REEP4: variants seen among roughly 807,000 people sequenced by gnomAD.
The protein encoded by REEP4 is receptor expression-enhancing protein 4.
Under a neutral mutation model 33.5 loss-of-function variants are expected in REEP4, and 17 were observed. That is an observed-to-expected ratio of 0.51 (90% CI 0.35 to 0.76). The LOEUF (loss-of-function observed/expected upper bound fraction) is 0.76. Ranked by LOEUF, REEP4 falls within the 30% of genes least tolerant of loss-of-function variation. The pLI is 0.01. For synonymous variants in REEP4, 157 were observed against 142.9 expected (o/e 1.10, Z -0.70); for missense variants, 340 against 357.9 (o/e 0.95, Z 0.40).
Position 22,140,625 on chromosome 8 carries a change from A to AGCCT in REEP4, c.104_105insAGGC (p.Tyr35Ter). The AGCCT allele has an allele frequency of 6.2e-7, 1 of 1,613,458 alleles. No individual in the cohort carries two copies. Among genetic ancestry groups the AGCCT allele is most frequent in the East Asian group, 2.2e-5 (1 of 44,874 alleles). On this transcript the variant is annotated stop_gained and frameshift_variant and splice_region_variant, in exon 2 of 8. Coordinates refer to ENST00000306306, the MANE Select transcript of REEP4 (RefSeq NM_025232.4). LOFTEE classifies it high-confidence loss of function. Reference sequence around the variant, plus strand: ...AACACACCCAAACCCCCACGCTCACATATTCACGAATGTTCTTGGTCTTCA... The same window carrying AGCCT: ...AACACACCCAAACCCCCACGCTCACAGCCTTATTCACGAATGTTCTTGGTCTTCA...
intron 1 of REEP4, 104 bp downstream of exon 1, chr8:22,141,347 G>A: frequency 7.4e-7 from 1 of 1,357,330 alleles, no homozygotes; most frequent in Non-Finnish European, 1.0e-6. Context: ...GTGCTGGAGG[G>A]TGGAGCTCAG....
At chr8:22,139,188 C>G (rs759862747) in intron 5 of REEP4, 127 bp from the exon 6 acceptor site, 2 of 1,349,946 alleles carry the variant, frequency 1.5e-6, no homozygotes, top group Non-Finnish European at 2.0e-6. Context: ...CAATGTGGCA[C>G]CAACAGGAAA....
In REEP4 at chr8:22,140,637, GT is replaced by G. The variant is rs1407051443; in HGVS notation, c.92del (p.Asn31ThrfsTer9). 6.2e-7 allele frequency: 1 copy of G among 1,613,718 alleles called. No individual in the cohort carries two copies. Among genetic ancestry groups the G allele is most frequent in the Non-Finnish European group, 8.5e-7 (1 of 1,179,806 alleles). On this transcript the variant is annotated frameshift_variant, in exon 2 of 8. Coordinates refer to ENST00000306306, the MANE Select transcript of REEP4 (RefSeq NM_025232.4). LOFTEE classifies it high-confidence loss of function. Reference sequence around the variant, plus strand: ...CCCCCACGCTCACATATTCACGAATGTTCTTGGTCTTCACAGCCTTATAGGA... The same window carrying G: ...CCCCCACGCTCACATATTCACGAATGTCTTGGTCTTCACAGCCTTATAGGA... ...YASYKAVKTK[N>X]IREYVRWMMY...
intron 7 of REEP4, 29 bp downstream of exon 7, chr8:22,138,610 C>T: frequency 1.9e-6 from 3 of 1,613,952 alleles, no homozygotes; most frequent in Non-Finnish European, 2.5e-6. Context: ...GCAGAGCCCT[C>T]CTCCCTCCTG....
In REEP4 at chr8:22,138,410, G is replaced by A. The variant is rs762937938; in HGVS notation, c.*77C>T. 1.9e-5 allele frequency: 30 copies of A among 1,543,222 alleles called. No homozygotes were observed. The highest frequency in any genetic ancestry group is 2.5e-5 in the Non-Finnish European group (28 of 1,125,284). The stretch of plus-strand genomic sequence containing the variant: ...GGCAGCTGGTGCAGGCAGGCCAGAT[G>A]TGCAGCCCAAGGTCCCTCCAAATAG... On this transcript the variant is annotated 3_prime_UTR_variant, in exon 8 of 8. Transcript: ENST00000306306.
chr8:22,141,328 T>C (rs1472021608), intron 1 of REEP4, 123 bp downstream of exon 1: 2 of 1,194,834 alleles, frequency 1.7e-6, no homozygotes, highest in African/African-American at 1.6e-5. Flanking sequence ...CCGTTAACCC[T>C]TGCATGGAGT....
At position 22,138,544 on chromosome 8, in the gene REEP4, C is replaced by A. The variant is rs528182802; in HGVS notation, c.717G>T (p.Ser239=). 2 of 1,613,936 alleles carry A rather than the reference C, an allele frequency of 1.2e-6. No individual in the cohort carries two copies. The highest frequency in any genetic ancestry group is 1.7e-6 in the Non-Finnish European group (2 of 1,180,018). Residue 239 remains serine (S), a synonymous_variant, in exon 8 of 8, where the codon TCG becomes TCT. Coordinates refer to ENST00000306306, the MANE Select transcript of REEP4 (RefSeq NM_025232.4). ...KRKPPVREGT[S]RSLKVRTRKK... ...TCCTCGTCCGAACCTTCAGGGAGCG[C>A]GAGGTGCCCTGGGGAAAGGGGAGGC...
At chr8:22,140,363 C>T (rs1253913562) in intron 2 of REEP4, 115 bp from the exon 3 acceptor site, 6 of 1,080,482 alleles carry the variant, frequency 5.6e-6, no homozygotes, top group South Asian at 5.2e-5. Flanking sequence ...TGCTTTCCCC[C>T]ACACATGGCT....
Position 22,141,822 on chromosome 8 carries a change from T to C in REEP4, c.-340A>G, listed in dbSNP as rs1827237506. The C allele has an allele frequency of 3.2e-6, 1 of 309,046 alleles. No homozygotes were observed. Among genetic ancestry groups the C allele is most frequent in the Non-Finnish European group, 6.0e-6 (1 of 168,006 alleles). The allele number at this position is 309,046 out of a possible 1,614,324, so 19.1% of individuals were successfully genotyped here. A position where few individuals can be genotyped will look rare whatever the true frequency, so the allele number is the denominator to read the frequency against. On this transcript the variant is annotated 5_prime_UTR_variant, in exon 1 of 8. Transcript: ENST00000306306. ...GCTGCTGGTCCCGCGCTGGAGCGGGTCGCCGCGGTTCCAGCGCGCCGGGCC... is the reference window on the plus strand; with the variant it reads ...GCTGCTGGTCCCGCGCTGGAGCGGGCCGCCGCGGTTCCAGCGCGCCGGGCC...
Position 22,141,605 on chromosome 8 carries a change from C to T in REEP4, c.-123G>A. 9.6e-7 allele frequency: 1 copy of T among 1,046,666 alleles called. No homozygotes were observed. The highest frequency in any genetic ancestry group is 2.9e-5 in the East Asian group (1 of 35,060). The allele number at this position is 1,046,666 out of a possible 1,614,324, so 64.8% of individuals were successfully genotyped here. A position where few individuals can be genotyped will look rare whatever the true frequency, so the allele number is the denominator to read the frequency against. ...AAGCAGAGGGGCGATCCGGCTGTCCCTCGGCGGAGGCAGAGCCCGCCGCCC... is the reference window on the plus strand; with the variant it reads ...AAGCAGAGGGGCGATCCGGCTGTCCTTCGGCGGAGGCAGAGCCCGCCGCCC... On this transcript the variant is annotated 5_prime_UTR_variant, in exon 1 of 8. Transcript: ENST00000306306.
In REEP4 at chr8:22,138,284, C is replaced by A; in HGVS notation, c.*203G>T. 1.4e-6 allele frequency: 1 copy of A among 715,516 alleles called. No homozygotes were observed. The highest frequency in any genetic ancestry group is 1.5e-5 in the South Asian group (1 of 67,388). 44.3% of individuals were successfully genotyped at this position (715,516 alleles called of 1,614,324 possible). ...AAGGCAATAAATAGAACCCTGGGCC[C>A]AGCCTGCTTTGGTACATTGTGGGTG... On this transcript the variant is annotated 3_prime_UTR_variant, in exon 8 of 8. Transcript: ENST00000306306.
At position 22,140,262 on chromosome 8, in the gene REEP4, G is replaced by A. The variant is rs771901143; in HGVS notation, c.106-14C>T. On this transcript the variant is annotated splice_polypyrimidine_tract_variant and intron_variant, in intron 2 of 7. Coordinates refer to ENST00000306306, the MANE Select transcript of REEP4 (RefSeq NM_025232.4). ...CATCCACCGCACCTGTGGGGTGAGCGCCCAGAGGTCAGCATGGGGCCTGCA... is the reference window on the plus strand; with the variant it reads ...CATCCACCGCACCTGTGGGGTGAGCACCCAGAGGTCAGCATGGGGCCTGCA... The A allele has an allele frequency of 9.9e-6, 16 of 1,613,584 alleles. No homozygotes were observed. Among genetic ancestry groups the A allele is most frequent in the African/African-American group, 4.0e-5 (3 of 75,020 alleles).
rs374213648 is a variant in REEP4, at chr8:22,140,633, G to A, written c.97C>T (p.Arg33Cys). The A allele has an allele frequency of 4.3e-6, 7 of 1,613,666 alleles. No individual in the cohort carries two copies. The highest frequency in any genetic ancestry group is 5.9e-6 in the Non-Finnish European group (7 of 1,179,718). Residue 33 changes from arginine to cysteine, a missense_variant, in exon 2 of 8, where the codon CGT becomes TGT. Arg to Cys is a radical substitution (Grantham distance 180, BLOSUM62 -3). Coordinates refer to ENST00000306306, the MANE Select transcript of REEP4 (RefSeq NM_025232.4). The part of the protein sequence containing the change: ...SYKAVKTKNI[R>C]EYVRWMMYWI... ...CAAACCCCCACGCTCACATATTCAC[G>A]AATGTTCTTGGTCTTCACAGCCTTA...
chr8:22,140,732 C>G, intron 1 of REEP4, 35 bp from the exon 2 acceptor site: 1 of 1,568,726 alleles, frequency 6.4e-7, no homozygotes, highest in Non-Finnish European at 8.7e-7. Context: ...TGAGGGGCAC[C>G]ATGCCCCACT....
Position 22,141,460 on chromosome 8 carries a change from C to G in REEP4, c.23G>C (p.Arg8Pro). ...GGGCGGCCATACTCACACCACCAGG[C>G]GACAGATCATCCAGGACACCATCTT... MVSWMIC[R>P]LVVLVFGMLC... The change falls in exon 1 of 8, where the codon CGC becomes CCC. Residue 8 changes from arginine to proline, a missense_variant. Transcript: ENST00000306306. 1 of 1,600,774 alleles carries G rather than the reference C, an allele frequency of 6.2e-7. No individual in the cohort carries two copies.
intron 2 of REEP4, 105 bp from the exon 3 acceptor site, chr8:22,140,353 T>A: frequency 8.6e-7 from 1 of 1,166,166 alleles, no homozygotes; most frequent in Non-Finnish European, 1.3e-6. Flanking sequence ...GCTGCATAGC[T>A]GCTTTCCCCC....
chr8:22,138,869 T>C, intron 6 of REEP4, 57 bp downstream of exon 6: 1 of 1,550,794 alleles, frequency 6.4e-7, no homozygotes, highest in Non-Finnish European at 8.7e-7. Context: ...GAAGCCATGG[T>C]GTGAGTGAAG....
intron 6 of REEP4, 44 bp downstream of exon 6, chr8:22,138,882 A>G: frequency 6.5e-7 from 1 of 1,548,502 alleles, no homozygotes; most frequent in South Asian, 1.2e-5. Flanking sequence ...GAGTGAAGGA[A>G]GCCATCCCTC....
chr8:22,138,953 G>C lies in REEP4; in HGVS notation c.526C>G (p.Gln176Glu). 1.2e-6 allele frequency: 2 copies of C among 1,602,236 alleles called. No homozygotes were observed. The highest frequency in any genetic ancestry group is 1.7e-6 in the Non-Finnish European group (2 of 1,175,166). The change falls in exon 6 of 8, where the codon CAG becomes GAG. Residue 176 changes from glutamine (Q) to glutamate (E), a missense_variant. Coordinates refer to ENST00000306306, the MANE Select transcript of REEP4 (RefSeq NM_025232.4). ...AYHDPLYLED[Q>E]VSHRRPPIGY... ...ATGGGTGGCCTCCGGTGGGACACCT[G>C]GTCCTCCAGGTAGAGGGGGTCATGG... is the stretch of plus-strand genomic sequence containing the variant.
Sources: allele counts gnomAD v4.1 joint callset, GRCh38; gene constraint gnomAD v4.1.1; transcripts MANE v1.5; gene names NCBI Gene and HGNC (gene_info 2026-07-23, HGNC 2026-07-21).